SYTL2: variants seen among roughly 807,000 people sequenced by gnomAD.
SYTL2 encodes synaptotagmin-like protein 2.
A neutral mutation model predicts 198.7 loss-of-function variants in SYTL2; 165 were observed. The ratio of observed to expected loss-of-function variants is 0.83; its 90% CI spans 0.73 to 0.94. The LOEUF (loss-of-function observed/expected upper bound fraction) is 0.94. Ranked by LOEUF, SYTL2 falls within the 40% of genes least tolerant of loss-of-function variation. The pLI is 0.00. For missense variants in SYTL2, 2,835 were observed against 2,582.8 expected, an observed-to-expected ratio of 1.10 and a Z score of -2.12; for synonymous variants, 966 against 917.7, an observed-to-expected ratio of 1.05 and a Z score of -0.95.
chr11:85,835,019 C>G, the SYTL2 span, among the ~76,000 whole-genome samples: 3 of 152,162 alleles, frequency 2.0e-5, no homozygotes, highest in African/African-American at 7.2e-5. Flanking sequence ...TTCGGCCTTA[C>G]AAAGTGCTGG....
intron 1 of SYTL2, among the ~76,000 whole-genome samples, chr11:85,778,503 A>G (rs1267012542): frequency 6.6e-6 from 1 of 152,272 alleles, no homozygotes; most frequent in Non-Finnish European, 1.5e-5. Flanking sequence ...CCCAAGTTAG[A>G]AAGCAGAACC....
intron 4 of SYTL2, among the ~76,000 whole-genome samples, chr11:85,745,358 G>A (rs1209452973): frequency 1.3e-5 from 2 of 152,152 alleles, no homozygotes; most frequent in Admixed American, 6.5e-5. Flanking sequence ...AGAAATCCAT[G>A]GGAGAAATAA....
At chr11:85,719,003 T>C (rs1216571148) in intron 9 of SYTL2, 160 bp from the exon 10 acceptor site, 36 of 1,529,058 alleles carry the variant, frequency 2.4e-5, no homozygotes, top group Non-Finnish European at 3.1e-5. Context: ...CTCTTTAGAT[T>C]AGCTCCTTGA....
chr11:85,748,843 C>T (rs186017178), intron 2 of SYTL2, among the ~76,000 whole-genome samples: 64 of 152,226 alleles, frequency 4.2e-4, no homozygotes, highest in African/African-American at 1.4e-3. Context: ...GAGGTTTAAC[C>T]GAGTGAATTC....
chr11:85,700,321 CTTTTTTT>C (rs10607209), intron 17 of SYTL2, among the ~76,000 whole-genome samples, 187 bp downstream of exon 17: 8,751 of 137,874 alleles, frequency 0.063, 825 homozygotes, highest in African/African-American at 0.21. Flanking sequence ...TTTATGTTTT[CTTTTTTT>C]TTTTTTTTTG....
chr11:85,729,039 G>T (rs1033057008), intron 7 of SYTL2, among the ~76,000 whole-genome samples: 1 of 152,084 alleles, frequency 6.6e-6, no homozygotes, highest in African/African-American at 2.4e-5. Context: ...AGAAGAGCTA[G>T]CTATCCTAAA....
intron 1 of SYTL2, among the ~76,000 whole-genome samples, chr11:85,785,578 T>C (rs2092623659): frequency 1.3e-5 from 2 of 152,328 alleles, no homozygotes; most frequent in South Asian, 2.1e-4. Context: ...TAATGAGAAT[T>C]TGAATCATCA....
At chr11:85,786,064 C>G (rs751629011) in intron 1 of SYTL2, among the ~76,000 whole-genome samples, 16 of 152,216 alleles carry the variant, frequency 1.1e-4, no homozygotes, top group Admixed American at 3.3e-4. Flanking sequence ...TGGGATACTA[C>G]TAAGCAACAA....
At chr11:85,761,388 G>T (rs1238141670) in intron 1 of SYTL2, among the ~76,000 whole-genome samples, 4 of 152,190 alleles carry the variant, frequency 2.6e-5, no homozygotes, top group African/African-American at 9.6e-5. Context: ...AGGGTTCTGA[G>T]GTGGGAGTTG....
the SYTL2 span, among the ~76,000 whole-genome samples, chr11:85,848,423 A>G: frequency 6.6e-6 from 1 of 151,818 alleles, no homozygotes; most frequent in East Asian, 1.9e-4. Flanking sequence ...TATTCTAGAA[A>G]TTTTATAGTT....
Position 85,761,513 on chromosome 11 carries a change from T to A in SYTL2, c.-389-3399A>T, listed in dbSNP as rs12420103. Reference sequence around the variant, plus strand: ...ACGGGTAAGACTGTATTAGGCCTTGTGAGGACAGTAAGACTTCTGGCTTTT... The same window carrying A: ...ACGGGTAAGACTGTATTAGGCCTTGAGAGGACAGTAAGACTTCTGGCTTTT... On this transcript the variant is annotated intron_variant, in intron 1 of 19. Coordinates refer to ENST00000359152, the MANE Select transcript of SYTL2 (RefSeq NM_206927.4). 7.4e-3 allele frequency among the ~76,000 whole-genome samples: 1,125 copies of A among 152,248 alleles called. 44 individuals are homozygous for A. The highest frequency in any genetic ancestry group is 0.064 in the Admixed American group (983 of 15,300).
At chr11:85,796,830 A>T (rs1466069566) in intron 1 of SYTL2, among the ~76,000 whole-genome samples, 4 of 152,228 alleles carry the variant, frequency 2.6e-5, no homozygotes, top group Non-Finnish European at 5.9e-5. Context: ...ATATACTTTT[A>T]AATAAACTTA....
intron 4 of SYTL2, 60 bp from the exon 5 acceptor site, chr11:85,737,716 T>C: frequency 7.0e-7 from 1 of 1,434,838 alleles, no homozygotes; most frequent in South Asian, 1.2e-5. Context: ...TCATAAATTA[T>C]GCCTCTGAAG....
chr11:85,779,457 G>C (rs548190760), intron 1 of SYTL2, among the ~76,000 whole-genome samples: 3 of 152,148 alleles, frequency 2.0e-5, no homozygotes, highest in Admixed American at 2.0e-4. Context: ...GAGGAACTGG[G>C]TTCAGAGAAG....
At chr11:85,783,630 T>A (rs1299678514) in intron 1 of SYTL2, among the ~76,000 whole-genome samples, 1 of 152,148 alleles carries the variant, frequency 6.6e-6, no homozygotes, top group Admixed American at 6.5e-5. Context: ...TTACATATAT[T>A]AACTCATTAA....
At chr11:85,745,600 C>A in intron 4 of SYTL2, 37 bp downstream of exon 4, 1 of 1,593,588 alleles carries the variant, frequency 6.3e-7, no homozygotes, top group Non-Finnish European at 8.6e-7. Context: ...GCCATGAAAG[C>A]CACATGCAGC....
At chr11:85,810,701 C>G (rs2093020513) in intron 1 of SYTL2, among the ~76,000 whole-genome samples, 1 of 152,218 alleles carries the variant, frequency 6.6e-6, no homozygotes, top group African/African-American at 2.4e-5. Context: ...GAACCCTCGC[C>G]TACCCGGGCA....
At chr11:85,733,112 G>A (rs967952786) in intron 7 of SYTL2, among the ~76,000 whole-genome samples, 5 of 152,170 alleles carry the variant, frequency 3.3e-5, no homozygotes, top group Middle Eastern at 3.2e-3. Flanking sequence ...CTGGAGGCCT[G>A]AGCAGGCCAA....
chr11:85,831,074 T>C, the SYTL2 span, among the ~76,000 whole-genome samples: 1 of 152,136 alleles, frequency 6.6e-6, no homozygotes, highest in Non-Finnish European at 1.5e-5. Context: ...GTGTATTCAG[T>C]GGGTGTTAAT....
Sources: allele counts gnomAD v4.1 joint callset (sites outside exome capture counted in the v4.1 genomes callset), GRCh38; gene constraint gnomAD v4.1.1; transcripts MANE v1.5; gene names NCBI Gene and HGNC (gene_info 2026-07-23, HGNC 2026-07-21).